Variants in DZIP1 observed in about 807,000 individuals in gnomAD.
The protein encoded by DZIP1 is DAZ interacting zinc finger protein 1.
In DZIP1, 97 loss-of-function variants were observed where a neutral mutation model predicts 107.6. The ratio of observed to expected loss-of-function variants is 0.90; its 90% confidence interval spans 0.77 to 1.07. The LOEUF is 1.07. Ranked by LOEUF, DZIP1 falls within the 50% of genes least tolerant of loss-of-function variation. The pLI is 0.00. For missense variants in DZIP1, 1,035 were observed against 1,063.6 expected (o/e 0.97, Z 0.37); for synonymous variants, 390 against 386.4 (o/e 1.01, Z -0.11).
At position 95,641,220 on chromosome 13, in the gene DZIP1, A is replaced by T. The variant is rs1878444892; in HGVS notation, c.597+75T>A. ...AAATCTTTAAGAAGAAAGAGTGGTG[A>T]TACGGGACAGGCCTATCAAATGGGA... On this transcript the variant is annotated intron_variant, in intron 5 of 22. Coordinates refer to ENST00000376829, the MANE Select transcript of DZIP1 (RefSeq NM_198968.4). This position sits in a 1 kb window ranked among gnomAD's most constrained non-coding sequence, Gnocchi z 4.3. The T allele has an allele frequency of 6.7e-7, 1 of 1,501,988 alleles. No individual in the cohort carries two copies. Among genetic ancestry groups the T allele is most frequent in the Non-Finnish European group, 8.9e-7 (1 of 1,122,304 alleles). The allele number at this position is 1,501,988 out of a possible 1,614,324, so 93.0% of individuals were successfully genotyped here.
Position 95,590,285 on chromosome 13 carries a change from A to G in DZIP1, c.1837T>C (p.Ser613Pro). 6.2e-7 allele frequency: 1 copy of G among 1,607,926 alleles called. No individual in the cohort carries two copies. Among genetic ancestry groups the G allele is most frequent in the Non-Finnish European group, 8.5e-7 (1 of 1,177,882 alleles). The change falls in exon 17 of 23, where the codon TCT (serine) becomes CCT (proline). Residue 613 changes from serine to proline, a missense_variant. By Grantham distance (74) the Ser-to-Pro change is moderately conservative. Transcript: ENST00000376829. ...SCKIEEKALL[S>P]SDQCSVSQMD... ...CAGTGGGTAACAAGCTTACCTGAAG[A>G]GAGTAGTGCTTTCTCCTCAATTTTA...
intron 5 of DZIP1, among the ~76,000 whole-genome samples, chr13:95,640,112 C>T (rs895461766): frequency 6.6e-6 from 1 of 152,042 alleles, no homozygotes; most frequent in Non-Finnish European, 1.5e-5. Flanking sequence ...CCTGCCTCAG[C>T]CTCCCAAGTA....
chr13:95,590,011 C>A, intron 17 of DZIP1, 79 bp from the exon 18 acceptor site: 1 of 1,498,184 alleles, frequency 6.7e-7, no homozygotes, highest in South Asian at 1.3e-5. Context: ...GGTATAATAC[C>A]CCCTATGCTG....
Position 95,630,123 on chromosome 13 carries a change from C to A in DZIP1, c.686-10G>T. ...GCATTTTTCTGATACTCTGTTGCAACAGAAAATCGTGTTAAAACACCATCT... is the reference window on the plus strand; with the variant it reads ...GCATTTTTCTGATACTCTGTTGCAAAAGAAAATCGTGTTAAAACACCATCT... On this transcript the variant is annotated splice_polypyrimidine_tract_variant and intron_variant, in intron 6 of 22. Transcript: ENST00000376829. 1 of 1,607,258 alleles carries A rather than the reference C, an allele frequency of 6.2e-7. No homozygotes were observed. The highest frequency in any genetic ancestry group is 8.5e-7 in the Non-Finnish European group (1 of 1,177,040).
intron 11 of DZIP1, 54 bp from the exon 12 acceptor site, chr13:95,611,547 C>A (rs1269020316): frequency 1.5e-6 from 2 of 1,347,386 alleles, no homozygotes; most frequent in Non-Finnish European, 2.1e-6. Context: ...TAGGGACACA[C>A]ACATGGGATA....
intron 21 of DZIP1, among the ~76,000 whole-genome samples, chr13:95,585,576 T>A (rs2044139283): frequency 6.6e-6 from 1 of 152,210 alleles, no homozygotes; most frequent in Non-Finnish European, 1.5e-5. Context: ...ATGTTTGGGC[T>A]TCTTCTCTAA....
At position 95,593,964 on chromosome 13, in the gene DZIP1, C is replaced by A. The variant is rs775970492; in HGVS notation, c.1660G>T (p.Glu554Ter). The stretch of plus-strand genomic sequence containing the variant: ...CATACTGCATTAATCCCCAAGGTTT[C>A]CAGTTTCTCCATCAAGTTCTGCTCC... ...MVEQNLMEKL[E>*]TLGINADIRG... is the part of the protein sequence containing the mutation. Residue 554 changes from glutamate to a stop codon, truncating the protein, a stop_gained, in exon 16 of 23, where the codon GAA becomes TAA. Coordinates refer to ENST00000376829, the MANE Select transcript of DZIP1 (RefSeq NM_198968.4). LOFTEE classifies it high-confidence loss of function. 2 of 1,609,180 alleles carry A rather than the reference C, an allele frequency of 1.2e-6. No individual in the cohort carries two copies. The highest frequency in any genetic ancestry group is 1.7e-6 in the Non-Finnish European group (2 of 1,178,450).
intron 5 of DZIP1, among the ~76,000 whole-genome samples, chr13:95,635,933 G>A (rs766810568): frequency 2.1e-5 from 3 of 142,624 alleles, no homozygotes; most frequent in Non-Finnish European, 3.1e-5. Context: ...AGGTAGGGAG[G>A]TAAGGAGGTA....
intron 19 of DZIP1, 174 bp from the exon 20 acceptor site, chr13:95,587,903 G>T: frequency 1.4e-6 from 1 of 697,078 alleles, no homozygotes; most frequent in Non-Finnish European, 2.3e-6. Flanking sequence ...TATACCCACG[G>T]CTGTAGCATC....
chr13:95,581,335 T>G lies in DZIP1; in HGVS notation c.*899A>C, dbSNP rs980448492. The G allele has an allele frequency of 6.6e-6, 1 of 152,614 alleles. No homozygotes were observed. Among genetic ancestry groups the G allele is most frequent in the Non-Finnish European group, 1.5e-5 (1 of 68,034 alleles). The allele number at this position is 152,614 out of a possible 1,614,324, so 9.5% of individuals were successfully genotyped here. On this transcript the variant is annotated 3_prime_UTR_variant, in exon 23 of 23. Transcript: ENST00000376829. ...ATTTCATAATACATGTTGGGTATTTTAAATAGTAAAAAAAAACATACATAT... is the reference window on the plus strand; with the variant it reads ...ATTTCATAATACATGTTGGGTATTTGAAATAGTAAAAAAAAACATACATAT...
In DZIP1 at chr13:95,606,155, G is replaced by A. The variant is rs2044768033; in HGVS notation, c.1421-96C>T. ...GCCAAATATGCCGCAAACTAGTCAAGATACATACAGACCATAAGGAACAAA... is the reference window on the plus strand; with the variant it reads ...GCCAAATATGCCGCAAACTAGTCAAAATACATACAGACCATAAGGAACAAA... On this transcript the variant is annotated intron_variant, in intron 13 of 22. Transcript: ENST00000376829. The A allele has an allele frequency of 1.4e-5, 15 of 1,067,036 alleles. No homozygotes were observed. In the South Asian group the frequency reaches 1.7e-4, roughly 12 times the overall value. The allele number at this position is 1,067,036 out of a possible 1,614,324, so 66.1% of individuals were successfully genotyped here.
Position 95,640,084 on chromosome 13 carries a change from C to T in DZIP1, c.597+1211G>A, listed in dbSNP as rs145634710. Among the ~76,000 whole-genome samples the T allele has an allele frequency of 9.2e-5, 14 of 151,996 alleles. No individual in the cohort carries two copies. The East Asian group carries it at 2.7e-3, about 29-fold the overall frequency. On this transcript the variant is annotated intron_variant, in intron 5 of 22. Transcript: ENST00000376829. ...CTTGGCTCACTGCAACCTCCGCCTCCTGGGTTTAAGCGATTCTCCTGCCTC... is the reference window on the plus strand; with the variant it reads ...CTTGGCTCACTGCAACCTCCGCCTCTTGGGTTTAAGCGATTCTCCTGCCTC...
Position 95,594,046 on chromosome 13 carries a change from A to G in DZIP1, c.1578T>C (p.His526=), listed in dbSNP as rs2044379238. Residue 526 remains histidine, a synonymous_variant, in exon 16 of 23, where the codon CAT becomes CAC. Transcript: ENST00000376829. The part of the protein sequence containing the change: ...NEQKLNNNKM[H]LRKALKSNSS... ...AGTTACTCTTCAAAGCTTTCCTTAA[A>G]TGCATTTTGTTGTTATTTAATTTCT... 1 of 1,609,560 alleles carries G rather than the reference A, an allele frequency of 6.2e-7. No individual in the cohort carries two copies. Among genetic ancestry groups the G allele is most frequent in the African/African-American group, 1.3e-5 (1 of 74,794 alleles).
At chr13:95,617,565 A>G (rs754976545) in intron 10 of DZIP1, among the ~76,000 whole-genome samples, 3 of 152,220 alleles carry the variant, frequency 2.0e-5, no homozygotes, top group Non-Finnish European at 4.4e-5. Flanking sequence ...GGAGGTAGCC[A>G]TGTGAAGAGC....
chr13:95,590,073 T>C, intron 17 of DZIP1, 141 bp from the exon 18 acceptor site: 1 of 1,236,198 alleles, frequency 8.1e-7, no homozygotes, highest in Non-Finnish European at 1.1e-6. Context: ...ACTCTAGGGT[T>C]GTTGTTTTGT....
At chr13:95,612,975 G>A (rs552003645) in intron 10 of DZIP1, among the ~76,000 whole-genome samples, 6 of 152,030 alleles carry the variant, frequency 3.9e-5, no homozygotes, top group Non-Finnish European at 5.9e-5. Flanking sequence ...GATGTTTACC[G>A]AGAAAAAGAG....
At chr13:95,595,559 A>G (rs2044424543) in intron 15 of DZIP1, among the ~76,000 whole-genome samples, 1 of 152,200 alleles carries the variant, frequency 6.6e-6, no homozygotes, top group African/African-American at 2.4e-5. Flanking sequence ...CACCAAAAAA[A>G]GCACTTCTAT....
chr13:95,600,617 T>TAGAC (rs752868266), intron 14 of DZIP1, among the ~76,000 whole-genome samples: 313 of 134,932 alleles, frequency 2.3e-3, no homozygotes, highest in Admixed American at 4.2e-3. Flanking sequence ...GATAGATAGA[T>TAGAC]AGATAGATAG....
intron 12 of DZIP1, 69 bp from the exon 13 acceptor site, chr13:95,609,582 T>G (rs1317258215): frequency 1.7e-6 from 2 of 1,184,770 alleles, no homozygotes; most frequent in Non-Finnish European, 1.2e-6. Context: ...GTAGCCCTTA[T>G]ACTAATTTGA....
Sources: allele counts gnomAD v4.1 joint callset (sites outside exome capture counted in the v4.1 genomes callset), GRCh38; gene constraint gnomAD v4.1.1; non-coding constraint Gnocchi (gnomAD v3.1); transcripts MANE v1.5; gene names NCBI Gene and HGNC (gene_info 2026-07-23, HGNC 2026-07-21).